EYS: variants seen among roughly 807,000 people sequenced by gnomAD.
EYS encodes the protein EGF-like photoreceptor maintenance factor.
A neutral mutation model predicts 282.1 loss-of-function variants in EYS; 250 were observed. That is an observed-to-expected ratio of 0.89 (90% confidence interval 0.80 to 0.98). The LOEUF is 0.98. EYS is among the 50% of genes least tolerant of loss of function. The pLI, the probability that EYS is intolerant of heterozygous loss-of-function variation, is 0.00. For missense variants in EYS, 4,016 were observed against 3,709.0 expected (o/e 1.08, Z -2.15); for synonymous variants, 1,355 against 1,282.9 (o/e 1.06, Z -1.20).
At chr6:64,345,042 A>T (rs1161710814) in intron 29 of EYS, among the ~76,000 whole-genome samples, 2 of 152,172 alleles carry the variant, frequency 1.3e-5, no homozygotes, top group Non-Finnish European at 2.9e-5. Context: ...GCTCAATGAA[A>T]TCAAAGAGGA....
intron 31 of EYS, among the ~76,000 whole-genome samples, chr6:64,172,197 ACTTT>A (rs910344737): frequency 6.6e-6 from 1 of 152,038 alleles, no homozygotes; most frequent in Admixed American, 6.6e-5. Flanking sequence ...ATTGTACCTT[ACTTT>A]CTTTGTCATC....
chr6:65,227,112 A>T (rs971833573), intron 12 of EYS, among the ~76,000 whole-genome samples: 1 of 151,568 alleles, frequency 6.6e-6, no homozygotes, highest in African/African-American at 2.4e-5. Context: ...GCATGTCTGT[A>T]ATCCCAGCTA....
In EYS at chr6:64,254,116, T is replaced by C. The variant is rs146926452; in HGVS notation, c.6192-23292A>G. The stretch of plus-strand genomic sequence containing the variant: ...TGTTCTGCTCTAGGGAGGCCTTAAT[T>C]AAACAATTATTTGGCCTTTCTCGTG... On this transcript the variant is annotated intron_variant, in intron 30 of 42. Transcript: ENST00000503581. Among the ~76,000 whole-genome samples the C allele has an allele frequency of 5.9e-5, 9 of 152,206 alleles. 1 individual carries two copies. The highest frequency in any genetic ancestry group is 2.2e-4 in the African/African-American group (9 of 41,552).
rs1257203855 is a variant in EYS at position 65,295,919 on chromosome 6, G to C, written c.1967C>G (p.Thr656Arg). ...ATATCCCCTTAAATGTGTACTAGTTGTTCCATTTTTGCAGGACGCAGATTT... is the reference window on the plus strand; with the variant it reads ...ATATCCCCTTAAATGTGTACTAGTTCTTCCATTTTTGCAGGACGCAGATTT... ...DCKSASCKNGTTSTHLRGYFF... is the reference protein window; with the variant it reads ...DCKSASCKNGRTSTHLRGYFF... The change falls in exon 12 of 43, where the codon ACA (threonine) becomes AGA (arginine). Residue 656 changes from threonine (T) to arginine (R), a missense_variant. Thr to Arg is a moderately conservative substitution (Grantham distance 71). Transcript: ENST00000503581. 1 of 1,550,452 alleles carries C rather than the reference G, an allele frequency of 6.4e-7. No homozygotes were observed. The highest frequency in any genetic ancestry group is 1.4e-5 in the African/African-American group (1 of 72,926).
intron 35 of EYS, among the ~76,000 whole-genome samples, chr6:63,879,786 G>A (rs1459569166): frequency 6.6e-6 from 1 of 152,136 alleles, no homozygotes; most frequent in Non-Finnish European, 1.5e-5. Flanking sequence ...TGATGATGAT[G>A]ATGATGATTC....
At position 64,274,486 on chromosome 6, in the gene EYS, T is replaced by TTTTTTTTTTTG. The variant is rs1554224747; in HGVS notation, c.6191+32483_6191+32484insCAAAAAAAAAA. 1.9e-3 allele frequency among the ~76,000 whole-genome samples: 272 copies of TTTTTTTTTTTG among 146,036 alleles called. 10 individuals carry two copies. Among genetic ancestry groups the TTTTTTTTTTTG allele is most frequent in the African/African-American group, 6.9e-3 (259 of 37,432 alleles). Reference sequence around the variant, plus strand: ...GCGAGCCACCACGCCTGGCCGTTTTTTTTTTTTTTTTTTTTTTACAAATCA... The same window carrying TTTTTTTTTTTG: ...GCGAGCCACCACGCCTGGCCGTTTTTTTTTTTTTTTGTTTTTTTTTTTTTTTTTACAAATCA... On this transcript the variant is annotated intron_variant, in intron 30 of 42. Transcript: ENST00000503581.
chr6:63,763,680 C>A (rs1231253126), intron 40 of EYS, among the ~76,000 whole-genome samples: 2 of 151,704 alleles, frequency 1.3e-5, no homozygotes, highest in African/African-American at 4.8e-5. Context: ...GCTTCCCCTT[C>A]CACCATGATG....
chr6:64,070,570 C>A (rs1771537637), intron 32 of EYS, among the ~76,000 whole-genome samples: 1 of 151,948 alleles, frequency 6.6e-6, no homozygotes, highest in South Asian at 2.1e-4. Context: ...GTCTGAATAA[C>A]CATACATTAT....
chr6:63,857,509 G>A (rs966778108), intron 36 of EYS: 2 of 246,028 alleles, frequency 8.1e-6, no homozygotes, highest in Non-Finnish European at 1.7e-5. Flanking sequence ...AAAGCCATAA[G>A]TACTATTTCT....
At chr6:63,941,280 G>A (rs377717049) in intron 35 of EYS, among the ~76,000 whole-genome samples, 2 of 152,092 alleles carry the variant, frequency 1.3e-5, no homozygotes, top group Non-Finnish European at 1.5e-5. Context: ...CAATGGTTGA[G>A]CTAGTTTACA....
chr6:64,368,615 G>A (rs1193602262), intron 29 of EYS, among the ~76,000 whole-genome samples: 1 of 152,052 alleles, frequency 6.6e-6, no homozygotes, highest in African/African-American at 2.4e-5. Context: ...GATGGTGTGA[G>A]ACTGCATCTC....
Position 65,405,228 on chromosome 6 carries a change from A to C in EYS, c.1002T>G (p.Ser334Arg). ...TCTGACATGGTACTAATGAAAACTC[A>C]CTGACATCAGTTTCACCATTTTGGC... ...SSSQNGETDV[S>R]EFSLVPCQNG... The change falls in exon 6 of 43, where the codon AGT becomes AGG. Residue 334 changes from serine (S) to arginine (R), a missense_variant. By Grantham distance (110) the Ser-to-Arg change is moderately radical. Coordinates refer to ENST00000503581, the MANE Select transcript of EYS (RefSeq NM_001142800.2). 3.7e-6 allele frequency: 6 copies of C among 1,613,332 alleles called. No individual in the cohort carries two copies. Among genetic ancestry groups the C allele is most frequent in the Non-Finnish European group, 5.1e-6 (6 of 1,179,532 alleles).
intron 10 of EYS, 142 bp downstream of exon 10, chr6:65,343,896 T>C: frequency 1.4e-6 from 1 of 711,206 alleles, no homozygotes; most frequent in Non-Finnish European, 2.4e-6. Flanking sequence ...GAGAATTTGT[T>C]TACGAAGTTA....
chr6:65,419,659 T>C (rs1382185328), intron 5 of EYS, among the ~76,000 whole-genome samples: 1 of 151,978 alleles, frequency 6.6e-6, no homozygotes, highest in Non-Finnish European at 1.5e-5. Flanking sequence ...ATATGTAATG[T>C]ACCTCAATAT....
chr6:65,443,208 T>TCC (rs1768454864), intron 5 of EYS, among the ~76,000 whole-genome samples: 1 of 151,832 alleles, frequency 6.6e-6, no homozygotes, highest in Non-Finnish European at 1.5e-5. Flanking sequence ...CACATATATG[T>TCC]ATGCATCATA....
chr6:65,706,637 G>T, intron 1 of EYS, among the ~76,000 whole-genome samples: 1 of 152,220 alleles, frequency 6.6e-6, no homozygotes, highest in Middle Eastern at 3.4e-3. Flanking sequence ...AAAAAATGTT[G>T]ATCATTAACA....
Position 64,469,641 on chromosome 6 carries a change from G to A in EYS, c.5645-30289C>T, listed in dbSNP as rs546384073. Among the ~76,000 whole-genome samples, 564 of 152,122 alleles carry A rather than the reference G, an allele frequency of 3.7e-3. 3 individuals carry two copies. Among genetic ancestry groups the A allele is most frequent in the African/African-American group, 0.013 (538 of 41,526 alleles). On this transcript the variant is annotated intron_variant, in intron 26 of 42. Transcript: ENST00000503581. ...GAAGACGCCCCTTGCCAAGCGGACC[G>A]TAGTCTAGGGATAGCGTTAGTGTCA... is the stretch of plus-strand genomic sequence containing the variant.
intron 13 of EYS, among the ~76,000 whole-genome samples, chr6:65,011,176 G>T (rs966959181): frequency 6.6e-6 from 1 of 152,158 alleles, no homozygotes; most frequent in African/African-American, 2.4e-5. Context: ...CTAACCAATG[G>T]AAATTACTTA....
chr6:65,555,393 A>G (rs1162830958), intron 2 of EYS, among the ~76,000 whole-genome samples: 2 of 152,150 alleles, frequency 1.3e-5, no homozygotes, highest in African/African-American at 4.8e-5. Context: ...TTTACAATGC[A>G]TATGACTGCT....
Sources: gnomAD v4.1 joint callset for allele counts (sites outside exome capture counted in the v4.1 genomes callset) on GRCh38, gnomAD v4.1.1 for gene constraint, MANE v1.5 for transcripts, NCBI Gene and HGNC (gene_info 2026-07-23, HGNC 2026-07-21) for gene names.